Variants in NAA35 observed in about 807,000 individuals in gnomAD.
NAA35 encodes N-alpha-acetyltransferase 35, NatC auxiliary subunit, also known as MAK10 homolog, amino-acid N-acetyltransferase subunit.
In NAA35, 18 loss-of-function variants were observed where a neutral mutation model predicts 101.7. The ratio of observed to expected loss-of-function variants is 0.18; its 90% CI spans 0.12 to 0.26. The LOEUF (loss-of-function observed/expected upper bound fraction) is 0.26. Among genes scored for constraint, NAA35 ranks in the 10% least tolerant of loss-of-function variants. The pLI, the probability that NAA35 is intolerant of heterozygous loss-of-function variation, is 1.00. For missense variants in NAA35, 601 were observed against 886.8 expected (o/e 0.68, Z 4.09); for synonymous variants, 267 against 273.1 (o/e 0.98, Z 0.22).
Position 85,956,342 on chromosome 9 carries a change from TTC to T in NAA35, c.125-14_125-13del, listed in dbSNP as rs747940216. Reference sequence around the variant, plus strand: ...AAATATAAATATGTTCAAAGGGTTTTTCTCTTTTTTTTTTTAGAATTAAAGTT... The same window carrying T: ...AAATATAAATATGTTCAAAGGGTTTTTCTTTTTTTTTTTAGAATTAAAGTT... On this transcript the variant is annotated splice_polypyrimidine_tract_variant and intron_variant, in intron 2 of 22. Transcript: ENST00000361671. 2 of 1,355,778 alleles carry T rather than the reference TTC, an allele frequency of 1.5e-6. No individual in the cohort carries two copies. Among genetic ancestry groups the T allele is most frequent in the South Asian group, 2.7e-5 (2 of 75,258 alleles). 84.0% of individuals were successfully genotyped at this position (1,355,778 alleles called of 1,614,324 possible).
intron 6 of NAA35, among the ~76,000 whole-genome samples, chr9:85,967,146 A>G (rs1829779596): frequency 6.6e-6 from 1 of 151,798 alleles, no homozygotes; most frequent in African/African-American, 2.4e-5. Flanking sequence ...CTCAACAACA[A>G]TAACAAAAAA....
At chr9:86,020,747 C>T (rs1832497431) in intron 21 of NAA35, 142 bp from the exon 22 acceptor site, 1 of 525,318 alleles carries the variant, frequency 1.9e-6, no homozygotes, top group Non-Finnish European at 3.4e-6. Context: ...AGGAGGATTG[C>T]CTGAACCAGG....
rs75862125 is a variant in NAA35, at chr9:86,023,609, C to G, written c.*1649C>G. Among the ~76,000 whole-genome samples, 154 of 152,272 alleles carry G rather than the reference C, an allele frequency of 1.0e-3. No individual in the cohort carries two copies. The highest frequency in any genetic ancestry group is 3.5e-3 in the African/African-American group (147 of 41,550). On this transcript the variant is annotated 3_prime_UTR_variant, in exon 23 of 23. Coordinates refer to ENST00000361671, the MANE Select transcript of NAA35 (RefSeq NM_024635.4). ...AAAAAAGGAATGTAGATTAATGCAA[C>G]AAGGGCCCTGCTAGATGATGGGATC... is the stretch of plus-strand genomic sequence containing the variant.
chr9:85,987,583 C>T (rs1246144618), intron 11 of NAA35, among the ~76,000 whole-genome samples: 3 of 152,196 alleles, frequency 2.0e-5, no homozygotes, highest in Non-Finnish European at 2.9e-5. Context: ...TGCATACCCA[C>T]ACATGTGTGC....
At chr9:86,002,223 GT>G (rs1219294322) in intron 12 of NAA35, among the ~76,000 whole-genome samples, 5 of 131,528 alleles carry the variant, frequency 3.8e-5, no homozygotes, top group Non-Finnish European at 7.6e-5. Flanking sequence ...CAGCTGAGAG[GT>G]CTCCTTTTTA....
chr9:85,999,984 A>AT (rs1831345983), intron 12 of NAA35, among the ~76,000 whole-genome samples: 1 of 152,118 alleles, frequency 6.6e-6, no homozygotes, highest in South Asian at 2.1e-4. Flanking sequence ...CTTTAAAAAA[A>AT]TTTTACATTT....
At chr9:85,974,516 A>G (rs1830131251) in intron 6 of NAA35, among the ~76,000 whole-genome samples, 1 of 152,166 alleles carries the variant, frequency 6.6e-6, no homozygotes, top group Admixed American at 6.5e-5. Context: ...CTCACTTTGA[A>G]TAATTCTGTT....
In NAA35 at chr9:85,968,135, A is replaced by G. The variant is rs570818172; in HGVS notation, c.516+5955A>G. ...TCACCCTTTCTGCTTTAGTTCGTCA[A>G]CCTTAGGTTTGGCTTCCTTGGAGTT... On this transcript the variant is annotated intron_variant, in intron 6 of 22. Transcript: ENST00000361671. Among the ~76,000 whole-genome samples the G allele has an allele frequency of 1.6e-3, 246 of 152,062 alleles. 2 individuals are homozygous for G. Among genetic ancestry groups the G allele is most frequent in the Non-Finnish European group, 5.4e-4 (37 of 67,984 alleles).
At chr9:85,962,651 T>C (rs1361332685) in intron 6 of NAA35, among the ~76,000 whole-genome samples, 1 of 152,172 alleles carries the variant, frequency 6.6e-6, no homozygotes, top group African/African-American at 2.4e-5. Context: ...TACAGATATA[T>C]TGGGTAAAGT....
chr9:85,970,886 G>T (rs1829971406), intron 6 of NAA35, among the ~76,000 whole-genome samples: 1 of 152,182 alleles, frequency 6.6e-6, no homozygotes, highest in Non-Finnish European at 1.5e-5. Flanking sequence ...GGGCGTCATA[G>T]TCTGCAACTT....
At chr9:85,955,358 A>ATTTTTTT (rs1236843940) in intron 2 of NAA35, among the ~76,000 whole-genome samples, 20 of 47,580 alleles carry the variant, frequency 4.2e-4, no homozygotes, top group African/African-American at 6.1e-4. Context: ...ATATATATAT[A>ATTTTTTT]TATTTTTTTT....
In NAA35 at chr9:85,958,584, A is replaced by G. The variant is rs781120262; in HGVS notation, c.271A>G (p.Lys91Glu). ...AGTTCTCAATTTTGAACAAGCTATC[A>G]AGGTAGTTACCATTGTACTTTTTGT... is the stretch of plus-strand genomic sequence containing the variant. ...RKVLNFEQAI[K>E]DGTIKIKDLT... is the part of the protein sequence containing the mutation. Residue 91 changes from lysine to glutamate, a missense_variant and splice_region_variant, in exon 4 of 23, where the codon AAG becomes GAG. By Grantham distance (56) the Lys-to-Glu change is moderately conservative (BLOSUM62 1). Coordinates refer to ENST00000361671, the MANE Select transcript of NAA35 (RefSeq NM_024635.4). 1 of 1,598,136 alleles carries G rather than the reference A, an allele frequency of 6.3e-7. No individual in the cohort carries two copies. Among genetic ancestry groups the G allele is most frequent in the Non-Finnish European group, 8.6e-7 (1 of 1,168,028 alleles).
intron 2 of NAA35, among the ~76,000 whole-genome samples, chr9:85,949,415 C>T (rs1303892869): frequency 6.6e-6 from 1 of 151,988 alleles, no homozygotes; most frequent in East Asian, 1.9e-4. Context: ...CTGCCTTGGC[C>T]TCCCGAGTAG....
At chr9:85,954,598 G>A (rs1384940273) in intron 2 of NAA35, among the ~76,000 whole-genome samples, 1 of 152,118 alleles carries the variant, frequency 6.6e-6, no homozygotes, top group East Asian at 1.9e-4. Context: ...TGATCATCAA[G>A]GGCATTCTTA....
intron 11 of NAA35, 47 bp downstream of exon 11, chr9:85,978,428 C>G: frequency 7.6e-7 from 1 of 1,320,982 alleles, no homozygotes; most frequent in Non-Finnish European, 1.1e-6. Flanking sequence ...CGTTTCTATC[C>G]AAAATATTTA....
chr9:86,007,189 G>C (rs939847926), intron 13 of NAA35, among the ~76,000 whole-genome samples, 169 bp from the exon 14 acceptor site: 1 of 152,020 alleles, frequency 6.6e-6, no homozygotes, highest in Admixed American at 6.6e-5. Context: ...CCTTCAGTAA[G>C]GATTAATAAG....
chr9:85,951,096 C>A (rs1828998874), intron 2 of NAA35, among the ~76,000 whole-genome samples: 1 of 151,230 alleles, frequency 6.6e-6, no homozygotes, highest in Non-Finnish European at 1.5e-5. Flanking sequence ...TGAGATCACA[C>A]CACTGCACTC....
At chr9:86,018,583 C>T (rs1832348646) in intron 20 of NAA35, 116 bp from the exon 21 acceptor site, 3 of 1,385,804 alleles carry the variant, frequency 2.2e-6, no homozygotes, top group East Asian at 4.6e-5. Flanking sequence ...TGAATGTTTG[C>T]CCCAGTGTCT....
chr9:85,978,697 A>G (rs1830316024), intron 11 of NAA35, among the ~76,000 whole-genome samples: 2 of 152,164 alleles, frequency 1.3e-5, no homozygotes, highest in African/African-American at 2.4e-5. Context: ...CAGCAGAGAA[A>G]GAGTTTAATT....
Sources: allele counts gnomAD v4.1 joint callset (sites outside exome capture counted in the v4.1 genomes callset), GRCh38; gene constraint gnomAD v4.1.1; transcripts MANE v1.5; gene names NCBI Gene and HGNC (gene_info 2026-07-23, HGNC 2026-07-21).